The following E2F5 variants were observed in gnomAD, a reference collection of about 807,000 sequenced individuals.
The protein encoded by E2F5 is transcription factor E2F5.
Under a neutral mutation model 39.1 loss-of-function variants are expected in E2F5, and 23 were observed. That is an observed-to-expected ratio of 0.59 (90% CI 0.42 to 0.83). E2F5 has a LOEUF of 0.83. Ranked by LOEUF, E2F5 falls within the 40% of genes least tolerant of loss-of-function variation. E2F5 has a pLI of 0.00. For missense variants in E2F5, 365 were observed against 406.7 expected (o/e 0.90, Z 0.88); for synonymous variants, 145 against 157.8 (o/e 0.92, Z 0.61).
chr8:85,208,842 C>A (rs1200278222), intron 5 of E2F5, among the ~76,000 whole-genome samples: 1 of 152,184 alleles, frequency 6.6e-6, no homozygotes, highest in Non-Finnish European at 1.5e-5. Context: ...TGGAGCATTG[C>A]TGGGCCCTGA....
At chr8:85,180,511 C>CACACATAT (rs1812183397) in intron 1 of E2F5, among the ~76,000 whole-genome samples, 1 of 80,834 alleles carries the variant, frequency 1.2e-5, no homozygotes, top group Admixed American at 1.9e-4. Flanking sequence ...AGAAACTATA[C>CACACATAT]ATATATATAT....
chr8:85,203,338 TTTG>T, intron 3 of E2F5, 83 bp downstream of exon 3: 2 of 1,208,796 alleles, frequency 1.7e-6, no homozygotes, highest in South Asian at 5.9e-5. Context: ...GATCATTCAC[TTTG>T]TTTTTAGACA....
intron 1 of E2F5, chr8:85,201,878 T>A (rs2129719442): frequency 2.2e-6 from 1 of 445,042 alleles, no homozygotes; most frequent in East Asian, 4.8e-5. Context: ...CACAAAGTAT[T>A]CTTATTGTGT....
Position 85,194,686 on chromosome 8 carries a change from C to T in E2F5, c.235-7461C>T, listed in dbSNP as rs1185048071. 6.0e-5 allele frequency among the ~76,000 whole-genome samples: 9 copies of T among 151,224 alleles called. No homozygotes were observed. In the South Asian group the frequency reaches 6.3e-4, roughly 11 times the overall value. On this transcript the variant is annotated intron_variant, in intron 1 of 7. Transcript: ENST00000416274. ...AGTAGCTGGGATTACAAGCGCCTGC[C>T]ACCGCGCATGGCTAATTTTTGTAGT...
At chr8:85,194,617 C>G (rs1273824996) in intron 1 of E2F5, among the ~76,000 whole-genome samples, 1 of 149,472 alleles carries the variant, frequency 6.7e-6, no homozygotes, top group Non-Finnish European at 1.5e-5. Context: ...TCACTGCTAC[C>G]TCTGCCACCC....
chr8:85,189,943 C>G (rs1812424491), intron 1 of E2F5, among the ~76,000 whole-genome samples: 1 of 152,162 alleles, frequency 6.6e-6, no homozygotes, highest in African/African-American at 2.4e-5. Flanking sequence ...CCTTACGCTT[C>G]AGGGAGTAGC....
chr8:85,188,867 G>A (rs1457159114), intron 1 of E2F5, among the ~76,000 whole-genome samples: 6 of 152,064 alleles, frequency 3.9e-5, no homozygotes, highest in Non-Finnish European at 8.8e-5. Flanking sequence ...GAAGGATGAC[G>A]GGGTAATATA....
chr8:85,193,362 T>C (rs1426279725), intron 1 of E2F5, among the ~76,000 whole-genome samples: 1 of 152,072 alleles, frequency 6.6e-6, no homozygotes, highest in Admixed American at 6.5e-5. Context: ...TGGGTGCCTG[T>C]AATCCAGCTA....
chr8:85,200,593 A>G (rs1254534904), intron 1 of E2F5, among the ~76,000 whole-genome samples: 2 of 152,194 alleles, frequency 1.3e-5, no homozygotes, highest in Non-Finnish European at 2.9e-5. Context: ...TTTCTGTGTG[A>G]GTACATAGAT....
intron 1 of E2F5, among the ~76,000 whole-genome samples, chr8:85,190,320 C>G (rs898155530): frequency 2.0e-5 from 3 of 151,738 alleles, no homozygotes; most frequent in African/African-American, 7.3e-5. Context: ...TTCTCCAAAC[C>G]GTCTGGTCTT....
intron 3 of E2F5, among the ~76,000 whole-genome samples, chr8:85,205,901 GA>G (rs1812793516): frequency 6.6e-6 from 1 of 152,090 alleles, no homozygotes; most frequent in Admixed American, 6.5e-5. Context: ...CCTTCCCCCA[GA>G]AACCTTTGCC....
rs1212057720 is a variant in E2F5 at position 85,204,859 on chromosome 8, GGGA to G, written c.507-1317_507-1315del. ...CCAGGGTCAGGTACCAGACAACTGG[GGGA>G]CTACCTGCATAGCTTAGAGCCCACC... On this transcript the variant is annotated intron_variant, in intron 3 of 7. Coordinates refer to ENST00000416274, the MANE Select transcript of E2F5 (RefSeq NM_001951.4). Among the ~76,000 whole-genome samples, 446 of 152,256 alleles carry G rather than the reference GGGA, an allele frequency of 2.9e-3. 2 individuals carry two copies. Among genetic ancestry groups the G allele is most frequent in the African/African-American group, 0.01 (435 of 41,560 alleles).
chr8:85,199,867 G>C (rs529212453), intron 1 of E2F5, among the ~76,000 whole-genome samples: 1 of 152,310 alleles, frequency 6.6e-6, no homozygotes, highest in East Asian at 1.9e-4. Flanking sequence ...ATGAGGCTTA[G>C]TGAGCTTACG....
chr8:85,209,824 C>CCTTTAAGAAAATATGTTCCAACTAT (rs1812879029), intron 6 of E2F5, among the ~76,000 whole-genome samples: 1 of 152,112 alleles, frequency 6.6e-6, no homozygotes, highest in Non-Finnish European at 1.5e-5. Flanking sequence ...GTTCCAACTA[C>CCTTTAAGAAAATATGTTCCAACTAT]CTTTAAGAAA....
intron 3 of E2F5, among the ~76,000 whole-genome samples, chr8:85,205,660 T>C (rs373668762): frequency 6.6e-6 from 1 of 152,206 alleles, no homozygotes; most frequent in South Asian, 2.1e-4. Context: ...GTCTTCTGCC[T>C]CCTGACCACC....
chr8:85,191,499 C>A (rs566012317), intron 1 of E2F5, among the ~76,000 whole-genome samples: 3 of 152,274 alleles, frequency 2.0e-5, no homozygotes, highest in African/African-American at 7.2e-5. Context: ...TTAGCCATTC[C>A]ACAATGTATA....
At chr8:85,200,497 T>G (rs1265766583) in intron 1 of E2F5, among the ~76,000 whole-genome samples, 4 of 152,240 alleles carry the variant, frequency 2.6e-5, no homozygotes, top group African/African-American at 9.6e-5. Context: ...CTTTGCCTAA[T>G]GACCTAAGCT....
intron 6 of E2F5, among the ~76,000 whole-genome samples, chr8:85,211,215 A>C (rs1812912304): frequency 2.4e-5 from 3 of 126,378 alleles, no homozygotes; most frequent in Middle Eastern, 7.8e-3. Flanking sequence ...GTGAGACCCT[A>C]TCTCTAAAAA....
At chr8:85,211,643 GTTTTTTTT>G (rs950695727) in intron 6 of E2F5, among the ~76,000 whole-genome samples, 3 of 52,212 alleles carry the variant, frequency 5.7e-5, no homozygotes, top group East Asian at 6.0e-4. Flanking sequence ...GTTTGTTGTT[GTTTTTTTT>G]TTTTTTTTTT....
Sources: gnomAD v4.1 joint callset for allele counts (sites outside exome capture counted in the v4.1 genomes callset) on GRCh38, gnomAD v4.1.1 for gene constraint, MANE v1.5 for transcripts, NCBI Gene and HGNC (gene_info 2026-07-23, HGNC 2026-07-21) for gene names.